Variants in TRPS1 observed in about 807,000 individuals in gnomAD.
TRPS1 encodes transcriptional repressor GATA binding 1, also known as zinc finger transcription factor Trps1.
In TRPS1, 6 loss-of-function variants were observed where a neutral mutation model predicts 101.2. The observed-to-expected ratio is 0.06, with a 90% CI of 0.03 to 0.12. The LOEUF is 0.12. Among genes scored for constraint, TRPS1 ranks in the 10% least tolerant of loss-of-function variants. The pLI is 1.00. For synonymous variants in TRPS1, 578 were observed against 589.8 expected (o/e 0.98, Z 0.29); for missense variants, 1,363 against 1,567.0 (o/e 0.87, Z 2.20).
At chr8:115,560,831 T>C (rs1357711716) in intron 5 of TRPS1, among the ~76,000 whole-genome samples, 1 of 152,104 alleles carries the variant, frequency 6.6e-6, no homozygotes, top group Non-Finnish European at 1.5e-5. Context: ...CAGTTTAGCA[T>C]AAAAATCCCT....
At chr8:115,508,821 T>TTTGGAAG (rs1815509578) in intron 5 of TRPS1, among the ~76,000 whole-genome samples, 1 of 152,006 alleles carries the variant, frequency 6.6e-6, no homozygotes, top group Admixed American at 6.6e-5. Context: ...GCCAGATCCT[T>TTTGGAAG]TTGGAAGTGA....
intron 5 of TRPS1, among the ~76,000 whole-genome samples, chr8:115,586,536 C>T (rs1232419790): frequency 3.3e-5 from 5 of 152,210 alleles, no homozygotes; most frequent in African/African-American, 1.2e-4. Flanking sequence ...TAAAAAACTC[C>T]GTATTTTGGT....
intron 5 of TRPS1, among the ~76,000 whole-genome samples, chr8:115,510,322 T>C (rs1228731048): frequency 6.6e-6 from 1 of 151,982 alleles, no homozygotes; most frequent in African/African-American, 2.4e-5. Flanking sequence ...TTATAATGCA[T>C]TTTCAGTGGC....
At chr8:115,614,918 G>A (rs1387830617) in intron 3 of TRPS1, among the ~76,000 whole-genome samples, 1 of 152,064 alleles carries the variant, frequency 6.6e-6, no homozygotes, top group African/African-American at 2.4e-5. Flanking sequence ...ACTGATACAT[G>A]TTAAAGATCT....
intron 5 of TRPS1, among the ~76,000 whole-genome samples, chr8:115,480,786 C>T (rs1482993015): frequency 6.6e-6 from 1 of 152,012 alleles, no homozygotes; most frequent in Non-Finnish European, 1.5e-5. Context: ...AATTGATGAA[C>T]CTCTTCTGAA....
At chr8:115,518,056 T>C (rs1316220182) in intron 5 of TRPS1, among the ~76,000 whole-genome samples, 1 of 110 alleles carries the variant, frequency 9.1e-3, no homozygotes, top group Non-Finnish European at 0.016. Context: ...CCAGAGGTCA[T>C]ATCCCAGAAG....
chr8:115,587,183 G>T lies in TRPS1; in HGVS notation c.2518C>A (p.Leu840Ile). The change falls in exon 5 of 7, where the codon CTA becomes ATA. Residue 840 changes from leucine to isoleucine, a missense_variant. Coordinates refer to ENST00000395715, the MANE Select transcript of TRPS1 (RefSeq NM_014112.5). ...GCCTCCACATTGGGACTATCCCTTA[G>T]AGTCTTTGTCTGCTCTTGGGTGCCA... ...VSGTQEQTKTLRDSPNVEAAH... is the reference protein window; with the variant it reads ...VSGTQEQTKTIRDSPNVEAAH... 6.2e-7 allele frequency: 1 copy of T among 1,614,210 alleles called. No individual in the cohort carries two copies. The highest frequency in any genetic ancestry group is 8.5e-7 in the Non-Finnish European group (1 of 1,180,036).
intron 4 of TRPS1, among the ~76,000 whole-genome samples, chr8:115,600,379 C>A (rs1209299298): frequency 2.0e-5 from 3 of 152,136 alleles, no homozygotes; most frequent in African/African-American, 7.2e-5. Flanking sequence ...CTATCAATAT[C>A]TTGGAGGTAA....
intron 5 of TRPS1, among the ~76,000 whole-genome samples, chr8:115,573,473 C>T (rs1254262599): frequency 6.6e-6 from 1 of 152,250 alleles, no homozygotes. Flanking sequence ...TGAAGACTGT[C>T]TGCTCAGCAT....
chr8:115,653,914 T>C (rs1811621408), intron 1 of TRPS1, among the ~76,000 whole-genome samples: 1 of 152,258 alleles, frequency 6.6e-6, no homozygotes, highest in Non-Finnish European at 1.5e-5. Context: ...TTGGGGGCTG[T>C]CTTAGGTTCA....
At chr8:115,564,222 AAAGAT>A (rs1817013772) in intron 5 of TRPS1, among the ~76,000 whole-genome samples, 1 of 152,124 alleles carries the variant, frequency 6.6e-6, no homozygotes, top group Non-Finnish European at 1.5e-5. Flanking sequence ...GATTTGCAAT[AAAGAT>A]ACAACTATGC....
rs541497647 is a variant in TRPS1 at position 115,410,158 on chromosome 8, C to A, written c.*3865G>T. On this transcript the variant is annotated 3_prime_UTR_variant, in exon 7 of 7. Transcript: ENST00000395715. ...CACTTTGTGATGTTTTGCAGCCACA[C>A]AACAGGAGGCTAATAATTATTTTAA... The A allele has an allele frequency of 1.3e-5, 2 of 152,168 alleles. No individual in the cohort carries two copies. The highest frequency in any genetic ancestry group is 4.8e-5 in the African/African-American group (2 of 41,516). 9.4% of individuals were successfully genotyped at this position (152,168 alleles called of 1,614,324 possible).
intron 5 of TRPS1, among the ~76,000 whole-genome samples, chr8:115,529,710 C>A (rs1018404391): frequency 6.6e-6 from 1 of 152,086 alleles, no homozygotes; most frequent in Non-Finnish European, 1.5e-5. Context: ...CAGAAAGTGT[C>A]CAGTGTACTT....
At chr8:115,550,109 T>C (rs942588960) in intron 5 of TRPS1, among the ~76,000 whole-genome samples, 4 of 151,896 alleles carry the variant, frequency 2.6e-5, no homozygotes, top group African/African-American at 9.7e-5. Context: ...CCCAGCTACT[T>C]GGGAGGCTGC....
At chr8:115,462,692 A>G (rs2129980197) in intron 5 of TRPS1, among the ~76,000 whole-genome samples, 1 of 151,484 alleles carries the variant, frequency 6.6e-6, no homozygotes, top group East Asian at 1.9e-4. Context: ...TGCACCTGGA[A>G]AAAGAAAACA....
At chr8:115,457,723 C>T (rs1814064882) in intron 5 of TRPS1, among the ~76,000 whole-genome samples, 1 of 152,164 alleles carries the variant, frequency 6.6e-6, no homozygotes, top group South Asian at 2.1e-4. Flanking sequence ...ACCACTAACG[C>T]TGGACCCAAT....
intron 1 of TRPS1, among the ~76,000 whole-genome samples, chr8:115,640,680 AC>A (rs1198453830): frequency 6.6e-6 from 1 of 152,216 alleles, no homozygotes; most frequent in African/African-American, 2.4e-5. Flanking sequence ...GTTCCAAAGG[AC>A]TGAAAGCAAT....
intron 5 of TRPS1, among the ~76,000 whole-genome samples, chr8:115,499,197 T>C (rs937454315): frequency 6.6e-6 from 1 of 152,224 alleles, no homozygotes; most frequent in Non-Finnish European, 1.5e-5. Context: ...GGTTATTTCC[T>C]AAACTGCTTG....
At chr8:115,548,742 T>A (rs1251790481) in intron 5 of TRPS1, among the ~76,000 whole-genome samples, 2 of 152,220 alleles carry the variant, frequency 1.3e-5, no homozygotes, top group Non-Finnish European at 2.9e-5. Context: ...ATAATTAAAG[T>A]TTCAGGTAAA....
Sources: allele counts gnomAD v4.1 joint callset (sites outside exome capture counted in the v4.1 genomes callset), GRCh38; gene constraint gnomAD v4.1.1; transcripts MANE v1.5; gene names NCBI Gene and HGNC (gene_info 2026-07-23, HGNC 2026-07-21).